The following TMEM272 variants were observed in gnomAD, a reference collection of about 807,000 sequenced individuals.
TMEM272 encodes transmembrane protein 272.
TMEM272 carries 8 observed loss-of-function variants against 3.7 expected under a neutral mutation model. The observed-to-expected ratio is 2.17, with a 90% confidence interval of 1.27 to 3.91. The LOEUF is 3.91. Ranked by LOEUF, TMEM272 falls within the 30% of genes most tolerant of loss-of-function variation. The probability of loss-of-function intolerance (pLI) is 0.00; values close to 1 mark genes in which losing one functional copy is unlikely to be tolerated. For missense variants in TMEM272, 166 were observed against 91.5 expected, an observed-to-expected ratio of 1.81 and a Z score of -3.32; for synonymous variants, 63 against 39.8, an observed-to-expected ratio of 1.58 and a Z score of -2.20.
At chr13:51,855,977 A>G in the TMEM272 span, among the ~76,000 whole-genome samples, 1 of 152,188 alleles carries the variant, frequency 6.6e-6, no homozygotes, top group Non-Finnish European at 1.5e-5. Context: ...AGACCACAGC[A>G]TTGCAGTAAA....
the TMEM272 span, among the ~76,000 whole-genome samples, chr13:51,900,705 C>T: frequency 2.0e-5 from 3 of 152,044 alleles, no homozygotes; most frequent in Non-Finnish European, 4.4e-5. Context: ...AAAATGGAAA[C>T]AACCCAAGTA....
At chr13:51,866,291 T>G in the TMEM272 span, 1 of 511,800 alleles carries the variant, frequency 2.0e-6, no homozygotes, top group Non-Finnish European at 3.5e-6. Context: ...CAAGGTCATG[T>G]TCCCACCTCT....
At chr13:51,911,943 G>A in the TMEM272 span, among the ~76,000 whole-genome samples, 9 of 152,038 alleles carry the variant, frequency 5.9e-5, no homozygotes, top group African/African-American at 1.7e-4. Context: ...TGCTGCCTCA[G>A]GGCTTTCCCG....
At chr13:51,876,710 G>T in the TMEM272 span, among the ~76,000 whole-genome samples, 1 of 152,154 alleles carries the variant, frequency 6.6e-6, no homozygotes, top group Non-Finnish European at 1.5e-5. Context: ...GTGTAAATTT[G>T]TAATTAGGTA....
the TMEM272 span, among the ~76,000 whole-genome samples, chr13:51,875,465 A>T: frequency 6.6e-6 from 1 of 152,182 alleles, no homozygotes; most frequent in Non-Finnish European, 1.5e-5. Flanking sequence ...TTAACACGCT[A>T]CTTACACTGC....
At chr13:51,826,482 T>A (rs1227336200) in intron 3 of TMEM272, 84 bp downstream of exon 3, 3 of 692,280 alleles carry the variant, frequency 4.3e-6, no homozygotes, top group African/African-American at 3.5e-5. Flanking sequence ...TAAACACATA[T>A]TTAATGTTTA....
At chr13:51,923,190 G>A in the TMEM272 span, among the ~76,000 whole-genome samples, 1 of 152,202 alleles carries the variant, frequency 6.6e-6, no homozygotes, top group African/African-American at 2.4e-5. Context: ...TAGGCACTCT[G>A]CACTGCAGCC....
chr13:51,906,421 T>C, the TMEM272 span, among the ~76,000 whole-genome samples: 1 of 152,078 alleles, frequency 6.6e-6, no homozygotes, highest in African/African-American at 2.4e-5. Context: ...AGTATTCTCA[T>C]ATGAAAAACT....
chr13:51,909,291 A>T, the TMEM272 span: 29 of 998,224 alleles, frequency 2.9e-5, no homozygotes, highest in East Asian at 5.0e-5. Flanking sequence ...TTGATAAAAA[A>T]GAATAGTTCT....
intron 2 of TMEM272, among the ~76,000 whole-genome samples, chr13:51,831,720 G>A (rs1050401076): frequency 1.2e-4 from 18 of 152,230 alleles, no homozygotes; most frequent in African/African-American, 4.3e-4. Context: ...AGTCTTTGGA[G>A]CTCTCTGGAA....
At chr13:51,869,449 T>C in the TMEM272 span, among the ~76,000 whole-genome samples, 2 of 151,836 alleles carry the variant, frequency 1.3e-5, no homozygotes, top group African/African-American at 2.4e-5. Flanking sequence ...CCATGGATTC[T>C]TCCAGTCACT....
chr13:51,918,500 G>A, the TMEM272 span, among the ~76,000 whole-genome samples: 1 of 152,168 alleles, frequency 6.6e-6, no homozygotes, highest in Non-Finnish European at 1.5e-5. Context: ...AAATGATATG[G>A]CAAAACCTTG....
intron 1 of TMEM272, among the ~76,000 whole-genome samples, chr13:51,839,854 G>T (rs557059991): frequency 6.6e-6 from 1 of 152,210 alleles, no homozygotes; most frequent in Non-Finnish European, 1.5e-5. Context: ...ACACAAGCAC[G>T]GTGGTTGGGC....
At chr13:51,842,250 C>T (rs959945927) in intron 1 of TMEM272, among the ~76,000 whole-genome samples, 10 of 152,224 alleles carry the variant, frequency 6.6e-5, no homozygotes, top group African/African-American at 2.2e-4. Context: ...TTCATTTCCA[C>T]TTTATACCCA....
the TMEM272 span, among the ~76,000 whole-genome samples, chr13:51,914,305 G>A: frequency 5.9e-5 from 9 of 152,308 alleles, no homozygotes; most frequent in East Asian, 1.3e-3. Context: ...TATTAAGCTC[G>A]TTTAATACAT....
chr13:51,899,859 T>G, the TMEM272 span, among the ~76,000 whole-genome samples: 1 of 152,208 alleles, frequency 6.6e-6, no homozygotes, highest in Non-Finnish European at 1.5e-5. Context: ...TTTACTTTTA[T>G]GGACAATTGA....
At chr13:51,877,113 A>T in the TMEM272 span, among the ~76,000 whole-genome samples, 24 of 152,214 alleles carry the variant, frequency 1.6e-4, no homozygotes, top group African/African-American at 2.4e-4. Flanking sequence ...GAAAACAAGT[A>T]GCTTGGCAAG....
Position 51,816,243 on chromosome 13 carries a change from C to T in TMEM272, c.*508G>A, listed in dbSNP as rs1366653681. The T allele has an allele frequency of 6.4e-6, 1 of 155,548 alleles. No homozygotes were observed. The highest frequency in any genetic ancestry group is 1.4e-5 in the Non-Finnish European group (1 of 70,020). The allele number at this position is 155,548 out of a possible 1,614,324, so 9.6% of individuals were successfully genotyped here. A position where few individuals can be genotyped will look rare whatever the true frequency, so the allele number is the denominator to read the frequency against. ...CACTTTCCCAAAAGGCAGCTAGAGT[C>T]ACTAAAAGAATATCTTTTTCCTTTT... On this transcript the variant is annotated 3_prime_UTR_variant, in exon 5 of 5. Coordinates refer to ENST00000629372, the MANE Select transcript of TMEM272 (RefSeq NM_001351003.2).
chr13:51,891,835 G>A, the TMEM272 span, among the ~76,000 whole-genome samples: 1 of 152,148 alleles, frequency 6.6e-6, no homozygotes, highest in Non-Finnish European at 1.5e-5. Flanking sequence ...AGCTTGATCA[G>A]GATTGTTTGC....
Sources: gnomAD v4.1 joint callset for allele counts (sites outside exome capture counted in the v4.1 genomes callset) on GRCh38, gnomAD v4.1.1 for gene constraint, MANE v1.5 for transcripts, NCBI Gene and HGNC (gene_info 2026-07-23, HGNC 2026-07-21) for gene names.